PCBP2: variants seen among roughly 807,000 people sequenced by gnomAD.
PCBP2 encodes the protein poly(rC) binding protein 2, also known as poly(rC)-binding protein 2.
A neutral mutation model predicts 50.1 loss-of-function variants in PCBP2; 4 were observed. The observed-to-expected ratio is 0.08, with a 90% CI of 0.04 to 0.18. The LOEUF (loss-of-function observed/expected upper bound fraction) is 0.18. Among genes scored for constraint, PCBP2 ranks in the 10% least tolerant of loss-of-function variants. The pLI, the probability that PCBP2 is intolerant of heterozygous loss-of-function variation, is 1.00. For synonymous variants in PCBP2, 179 were observed against 168.0 expected (o/e 1.07, Z -0.51); for missense variants, 161 against 474.3 (o/e 0.34, Z 6.14).
chr12:53,476,340 G>T (rs935008715), intron 14 of PCBP2, among the ~76,000 whole-genome samples: 2 of 152,094 alleles, frequency 1.3e-5, no homozygotes, highest in African/African-American at 2.4e-5. Flanking sequence ...AAAAATAGAG[G>T]CCCTAAGATA....
intron 6 of PCBP2, 93 bp downstream of exon 6, chr12:53,459,496 A>G (rs1941286773): frequency 1.8e-6 from 2 of 1,121,064 alleles, no homozygotes; most frequent in East Asian, 2.6e-5. Context: ...TGAGATGAAG[A>G]TTTTTATTGA....
chr12:53,463,636 T>C (rs1424062966), intron 8 of PCBP2, among the ~76,000 whole-genome samples: 1 of 152,218 alleles, frequency 6.6e-6, no homozygotes, highest in Non-Finnish European at 1.5e-5. Context: ...CCATGGATAT[T>C]TGTTTCTATG....
intron 5 of PCBP2, 40 bp downstream of exon 5, chr12:53,456,041 G>T: frequency 2.5e-6 from 3 of 1,199,202 alleles, no homozygotes; most frequent in Non-Finnish European, 3.7e-6. Context: ...ATTTTTAAGT[G>T]CTTCCAGAGA....
At chr12:53,461,780 G>T (rs1592651248) in intron 7 of PCBP2, among the ~76,000 whole-genome samples, 1 of 152,092 alleles carries the variant, frequency 6.6e-6, no homozygotes, top group South Asian at 2.1e-4. Flanking sequence ...TGCAGTATCG[G>T]CTCACTGCAA....
Position 53,465,831 on chromosome 12 carries a change from GT to G in PCBP2, c.673-99del, listed in dbSNP as rs1941779930. The G allele has an allele frequency of 8.5e-5, 76 of 896,402 alleles. 1 individual carries two copies. In the South Asian group the frequency reaches 1.0e-3, roughly 12 times the overall value. 55.5% of individuals were successfully genotyped at this position (896,402 alleles called of 1,614,324 possible). ...AATCTCTGGCCTCCCCCATTCTCTAGTTCAACTCTGGCTTCCTGGCTAGTTG... is the reference window on the plus strand; with the variant it reads ...AATCTCTGGCCTCCCCCATTCTCTAGTCAACTCTGGCTTCCTGGCTAGTTG... On this transcript the variant is annotated intron_variant, in intron 9 of 14. Transcript: ENST00000546463.
chr12:53,470,799 C>T (rs531877733), intron 13 of PCBP2, among the ~76,000 whole-genome samples: 2 of 150,536 alleles, frequency 1.3e-5, no homozygotes, highest in Non-Finnish European at 1.5e-5. Context: ...GCAAAAACAC[C>T]TTAGGAATTG....
At position 53,479,683 on chromosome 12, in the gene PCBP2, T is replaced by TTTTGGTTTTTTTTTTTG. The variant is rs2137153886; in HGVS notation, c.*241_*242insTTTGGTTTTTTTTTTTG. On this transcript the variant is annotated 3_prime_UTR_variant, in exon 15 of 15. Transcript: ENST00000546463. Reference sequence around the variant, plus strand: ...AAGCTTCTCCCTGGTTTTTTTTTTTTGGCTCATGAATTTTTCTGTTTGTCA... The same window carrying TTTTGGTTTTTTTTTTTG: ...AAGCTTCTCCCTGGTTTTTTTTTTTTTTTGGTTTTTTTTTTTGGGCTCATGAATTTTTCTGTTTGTCA... 2 of 391,782 alleles carry TTTTGGTTTTTTTTTTTG rather than the reference T, an allele frequency of 5.1e-6. No homozygotes were observed. The highest frequency in any genetic ancestry group is 1.6e-4 in the South Asian group (2 of 12,724). 24.3% of individuals were successfully genotyped at this position (391,782 alleles called of 1,614,324 possible).
chr12:53,457,805 A>AT (rs1421356369), intron 5 of PCBP2, among the ~76,000 whole-genome samples: 1 of 152,196 alleles, frequency 6.6e-6, no homozygotes, highest in East Asian at 1.9e-4. Flanking sequence ...AATAAGTGAT[A>AT]TTTAAACCGC....
In PCBP2 at chr12:53,454,891, G is replaced by A. The variant is rs374346437; in HGVS notation, c.69+22G>A. The A allele has an allele frequency of 1.9e-6, 3 of 1,604,984 alleles. No individual in the cohort carries two copies. The African/African-American group carries it at 4.0e-5, about 21-fold the overall frequency. On this transcript the variant is annotated intron_variant, in intron 2 of 14. Transcript: ENST00000546463. ...AAAGGTATGCTCTAGCTTGGGAAAT[G>A]GGGTCATAGTAACTGCTAGGGGAGG...
At chr12:53,453,250 T>C (rs1202820189) in intron 1 of PCBP2, 1 of 151,790 alleles carries the variant, frequency 6.6e-6, no homozygotes, top group Non-Finnish European at 1.5e-5. Context: ...TATTGTGATA[T>C]TTGTAAAGGG....
chr12:53,475,132 C>T (rs1435437534), intron 14 of PCBP2: 1 of 456,462 alleles, frequency 2.2e-6, no homozygotes, highest in African/African-American at 2.0e-5. Context: ...GGTACCGGGG[C>T]TTCAGCTACC....
chr12:53,460,145 CTTTTT>C (rs35129195), intron 6 of PCBP2: 8 of 189,918 alleles, frequency 4.2e-5, no homozygotes, highest in South Asian at 1.3e-4. Context: ...AATTCTACAT[CTTTTT>C]TTTTTTTTTT....
rs750553652 is a variant in PCBP2, at chr12:53,459,278, A to G, written c.250A>G (p.Ser84Gly). The G allele has an allele frequency of 6.2e-7, 1 of 1,607,124 alleles. No homozygotes were observed. The highest frequency in any genetic ancestry group is 8.5e-7 in the Non-Finnish European group (1 of 1,176,452). Reference sequence around the variant, plus strand: ...GTGTTCTTTCTTTCTGTAGGACATAAGCAGCTCTATGACCAATAGCACAGC... The same window carrying G: ...GTGTTCTTTCTTTCTGTAGGACATAGGCAGCTCTATGACCAATAGCACAGC... ...MIIDKLEEDI[S>G]SSMTNSTAAS... Residue 84 changes from serine (S) to glycine (G), a missense_variant, in exon 6 of 15, where the codon AGC (serine) becomes GGC (glycine). Transcript: ENST00000546463.
At chr12:53,472,780 GA>G (rs1256741789) in intron 14 of PCBP2, among the ~76,000 whole-genome samples, 1 of 152,130 alleles carries the variant, frequency 6.6e-6, no homozygotes, top group East Asian at 1.9e-4. Context: ...TGCTAGCTAA[GA>G]ACATACCATT....
intron 9 of PCBP2, 95 bp from the exon 10 acceptor site, chr12:53,465,837 C>G: frequency 3.2e-6 from 3 of 947,470 alleles, no homozygotes; most frequent in Non-Finnish European, 5.1e-6. Context: ...TCTAGTTCAA[C>G]TCTGGCTTCC....
chr12:53,479,958 CT>C lies in PCBP2; in HGVS notation c.*518del, dbSNP rs1942949004. 6.6e-6 allele frequency: 1 copy of C among 152,166 alleles called. No homozygotes were observed. Among genetic ancestry groups the C allele is most frequent in the Admixed American group, 6.6e-5 (1 of 15,258 alleles). 9.4% of individuals were successfully genotyped at this position (152,166 alleles called of 1,614,324 possible). On this transcript the variant is annotated 3_prime_UTR_variant, in exon 15 of 15. Transcript: ENST00000546463. ...TAAGATGTTTTCTTCTATTTTACCA[CT>C]TCCATCTTTTTTTGTGGCCCTCGAT...
chr12:53,475,421 G>C (rs1488502269), intron 14 of PCBP2: 3 of 315,958 alleles, frequency 9.5e-6, no homozygotes, highest in Non-Finnish European at 1.9e-5. Flanking sequence ...GGTCTGACTT[G>C]AATTCTTTAT....
In PCBP2 at chr12:53,456,457, C is replaced by CAA. The variant is rs111399555; in HGVS notation, c.243+469_243+470dup. Among the ~76,000 whole-genome samples the CAA allele has an allele frequency of 9.4e-5, 12 of 127,828 alleles. No homozygotes were observed. In the South Asian group the frequency reaches 1.2e-3, roughly 13 times the overall value. 83.9% of individuals were successfully genotyped at this position (127,828 alleles called of 152,430 possible). A position where few individuals can be genotyped will look rare whatever the true frequency, so the allele number is the denominator to read the frequency against. On this transcript the variant is annotated intron_variant, in intron 5 of 14. Transcript: ENST00000546463. ...TGGGCAACAGAGTGAGACTCTGTCT[C>CAA]AAAAAAAAAAAAAAGTCACTTGAAT...
chr12:53,455,971 C>A lies in PCBP2; in HGVS notation c.213C>A (p.Ala71=), dbSNP rs557283796. 29 of 1,611,076 alleles carry A rather than the reference C, an allele frequency of 1.8e-5. No individual in the cohort carries two copies. The highest frequency in any genetic ancestry group is 2.3e-5 in the Non-Finnish European group (27 of 1,177,408). ...GACCCACTAATGCCATCTTCAAAGC[C>A]TTTGCTATGATCATTGACAAACTGG... ...LAGPTNAIFK[A]FAMIIDKLEE... The change falls in exon 5 of 15, where the codon GCC becomes GCA. Residue 71 remains alanine, a synonymous_variant. Coordinates refer to ENST00000546463, the MANE Select transcript of PCBP2 (RefSeq NM_031989.5).
Sources: allele counts gnomAD v4.1 joint callset (sites outside exome capture counted in the v4.1 genomes callset), GRCh38; gene constraint gnomAD v4.1.1; transcripts MANE v1.5; gene names NCBI Gene and HGNC (gene_info 2026-07-23, HGNC 2026-07-21).